Variants in FADS2 observed in about 807,000 individuals in gnomAD.
FADS2 encodes the protein fatty acid desaturase 2, also known as acyl-CoA 6-desaturase.
A neutral mutation model predicts 61.2 loss-of-function variants in FADS2; 18 were observed. The ratio of observed to expected loss-of-function variants is 0.29; its 90% confidence interval spans 0.20 to 0.44. The LOEUF (loss-of-function observed/expected upper bound fraction) is 0.44. FADS2 is among the 20% of genes least tolerant of loss of function. The pLI, the probability that FADS2 is intolerant of heterozygous loss-of-function variation, is 1.00. For synonymous variants in FADS2, 203 were observed against 223.9 expected (o/e 0.91, Z 0.83); for missense variants, 322 against 572.7 (o/e 0.56, Z 4.47).
intron 4 of FADS2, among the ~76,000 whole-genome samples, chr11:61,841,769 A>G (rs1267913153): frequency 6.6e-6 from 1 of 152,158 alleles, no homozygotes; most frequent in Non-Finnish European, 1.5e-5. Context: ...AGCGGGGTAC[A>G]AAAAGTAAAA....
Position 61,840,821 on chromosome 11 carries a change from G to C in FADS2, c.618+96G>C. 3.1e-6 allele frequency: 3 copies of C among 953,354 alleles called. No individual in the cohort carries two copies. The Middle Eastern group carries it at 8.3e-4, about 264-fold the overall frequency. 59.1% of individuals were successfully genotyped at this position (953,354 alleles called of 1,614,324 possible). On this transcript the variant is annotated intron_variant, in intron 4 of 11. Transcript: ENST00000278840. ...CTGCTCAGTGCTCTGAGGCTACAGG[G>C]TGACAAGGCAGGTGTGCCTATGCTG... is the stretch of plus-strand genomic sequence containing the variant.
At position 61,863,282 on chromosome 11, in the gene FADS2, G is replaced by A. The variant is rs1481466571; in HGVS notation, c.981G>A (p.Arg327=). 1 of 1,613,310 alleles carries A rather than the reference G, an allele frequency of 6.2e-7. No individual in the cohort carries two copies. Among genetic ancestry groups the A allele is most frequent in the Non-Finnish European group, 8.5e-7 (1 of 1,179,396 alleles). Residue 327 remains arginine (R), a splice_region_variant and synonymous_variant, in exon 9 of 12, where the codon AGG becomes AGA. Transcript: ENST00000278840. Reference sequence around the variant, plus strand: ...TGCGCTGAGCTGTGTTCTCTTGCAGGTTCCTGGAGAGCCACTGGTTTGTGT... The same window carrying A: ...TGCGCTGAGCTGTGTTCTCTTGCAGATTCCTGGAGAGCCACTGGTTTGTGT... ...LGALLFLNFI[R]FLESHWFVWV... is the part of the protein sequence containing the mutation.
At chr11:61,848,309 C>A (rs1374106354) in intron 5 of FADS2, 25 bp downstream of exon 5, 3 of 1,610,806 alleles carry the variant, frequency 1.9e-6, no homozygotes, top group African/African-American at 1.3e-5. Flanking sequence ...ATGGTGTTGA[C>A]CTAGGAAGTG....
intron 1 of FADS2, chr11:61,821,368 T>C (rs1209978282): frequency 1.7e-5 from 12 of 700,832 alleles, no homozygotes; most frequent in Non-Finnish European, 1.8e-5. Context: ...GTCCCACCAT[T>C]TTCTCTCTAA....
At chr11:61,818,421 C>G (rs1475897564) in intron 1 of FADS2, among the ~76,000 whole-genome samples, 1 of 152,164 alleles carries the variant, frequency 6.6e-6, no homozygotes, top group Non-Finnish European at 1.5e-5. Flanking sequence ...TTGGCAGTGT[C>G]TAATGCGAGC....
intron 1 of FADS2, among the ~76,000 whole-genome samples, chr11:61,833,095 C>T (rs1286507037): frequency 2.0e-5 from 3 of 152,164 alleles, no homozygotes; most frequent in East Asian, 1.9e-4. Context: ...TGGCAAAGAG[C>T]GAAGTGTGAC....
chr11:61,835,635 G>C (rs2067167666), intron 1 of FADS2, among the ~76,000 whole-genome samples: 1 of 151,086 alleles, frequency 6.6e-6, no homozygotes, highest in Non-Finnish European at 1.5e-5. Context: ...CAAACTTCTG[G>C]CCTCAGGCAA....
upstream of FADS2, chr11:61,826,201 C>T: frequency 1.4e-6 from 1 of 702,570 alleles, no homozygotes; most frequent in Non-Finnish European, 2.6e-6. Flanking sequence ...TGAGCCCCAT[C>T]TACCGCCGGC....
At chr11:61,819,851 T>G (rs1249460162) in intron 1 of FADS2, among the ~76,000 whole-genome samples, 1 of 151,028 alleles carries the variant, frequency 6.6e-6, no homozygotes, top group Non-Finnish European at 1.5e-5. Context: ...TATCTCCTAA[T>G]GCTATCCCTC....
chr11:61,853,460 A>G (rs2067328430), intron 5 of FADS2, among the ~76,000 whole-genome samples: 1 of 151,924 alleles, frequency 6.6e-6, no homozygotes, highest in African/African-American at 2.4e-5. Context: ...TAGCGGTGAT[A>G]TTGGCAGCAG....
At chr11:61,864,295 C>T (rs73489311) in intron 10 of FADS2, 2,766 of 152,770 alleles carry the variant, frequency 0.018, 83 homozygotes, top group East Asian at 0.065. Context: ...CCTCGAACGC[C>T]TGAGCTAAAG....
At chr11:61,854,093 G>T in intron 5 of FADS2, 1 of 152,448 alleles carries the variant, frequency 6.6e-6, no homozygotes, top group Admixed American at 6.5e-5. Context: ...TGCTGATCAG[G>T]GGGAGGTCCA....
chr11:61,858,225 T>C (rs1287444183), intron 7 of FADS2, among the ~76,000 whole-genome samples: 1 of 146,998 alleles, frequency 6.8e-6, no homozygotes, highest in Non-Finnish European at 1.5e-5. Context: ...TCACATAGGC[T>C]GGAGTGCAGT....
At chr11:61,821,234 G>A (rs2067034144) in intron 1 of FADS2, 5 of 569,008 alleles carry the variant, frequency 8.8e-6, no homozygotes, top group South Asian at 4.8e-5. Flanking sequence ...AGACCCTAAT[G>A]CCAGGCCAGG....
intron 1 of FADS2, among the ~76,000 whole-genome samples, chr11:61,831,107 T>C (rs187484341): frequency 6.1e-4 from 93 of 152,216 alleles, no homozygotes; most frequent in East Asian, 2.7e-3. Flanking sequence ...TTTTGTTTTT[T>C]TAAACTGTCC....
chr11:61,840,193 A>G, intron 2 of FADS2, 141 bp from the exon 3 acceptor site: 1 of 690,868 alleles, frequency 1.4e-6, no homozygotes, highest in Non-Finnish European at 2.6e-6. Flanking sequence ...GGACTCCTGG[A>G]GGGTCGAGGC....
upstream of FADS2, among the ~76,000 whole-genome samples, chr11:61,823,332 G>C (rs912794112): frequency 6.6e-6 from 1 of 152,214 alleles, no homozygotes; most frequent in Non-Finnish European, 1.5e-5. Flanking sequence ...ACCTGGACCT[G>C]CTAGTCCACC....
chr11:61,828,776 G>T lies in FADS2; in HGVS notation c.207+179G>T, dbSNP rs780797660. Reference sequence around the variant, plus strand: ...CCCAATCCTCCTCCTCCTCTGGGCCGACTGGGGTGGAGACCGGATCTGGGA... The same window carrying T: ...CCCAATCCTCCTCCTCCTCTGGGCCTACTGGGGTGGAGACCGGATCTGGGA... On this transcript the variant is annotated intron_variant, in intron 1 of 11. Transcript: ENST00000278840. The surrounding 1 kb of genome is among the most constrained non-coding windows in gnomAD (Gnocchi z 6.4). 1.0e-5 allele frequency: 6 copies of T among 596,506 alleles called. No homozygotes were observed. The Admixed American group carries it at 1.6e-4, about 16-fold the overall frequency. The allele number at this position is 596,506 out of a possible 1,614,324, so 37.0% of individuals were successfully genotyped here.
intron 5 of FADS2, among the ~76,000 whole-genome samples, chr11:61,853,290 C>CCCTCCCTTCCTTCCTTCCTTCCTTCCTT (rs1487391139): frequency 3.7e-5 from 3 of 81,748 alleles, no homozygotes; most frequent in African/African-American, 1.2e-4. Flanking sequence ...CTCCCTCCCT[C>CCCTCCCTTCCTTCCTTCCTTCCTTCCTT]CCTTCCTTCC....
Sources: allele counts gnomAD v4.1 joint callset (sites outside exome capture counted in the v4.1 genomes callset), GRCh38; gene constraint gnomAD v4.1.1; non-coding constraint Gnocchi (gnomAD v3.1); transcripts MANE v1.5; gene names NCBI Gene and HGNC (gene_info 2026-07-23, HGNC 2026-07-21).